Variants in CELF2 observed in about 807,000 individuals in gnomAD.
The protein encoded by CELF2 is CUGBP Elav-like family member 2.
CELF2 carries 8 observed loss-of-function variants against 62.6 expected under a neutral mutation model. The ratio of observed to expected loss-of-function variants is 0.13; its 90% confidence interval spans 0.07 to 0.23. CELF2 has a LOEUF of 0.23. Among genes scored for constraint, CELF2 ranks in the 10% least tolerant of loss-of-function variants. CELF2 has a pLI of 1.00. For missense variants in CELF2, 333 were observed against 671.0 expected (o/e 0.50, Z 5.56); for synonymous variants, 258 against 250.0 (o/e 1.03, Z -0.30).
intron 1 of CELF2, among the ~76,000 whole-genome samples, chr10:11,025,114 C>T (rs1002916208): frequency 1.1e-4 from 16 of 151,966 alleles, no homozygotes; most frequent in Admixed American, 2.6e-4. Context: ...CAAAGACAAT[C>T]AGTTGGTCTT....
At chr10:10,758,823 T>C in the CELF2 span, among the ~76,000 whole-genome samples, 3 of 152,236 alleles carry the variant, frequency 2.0e-5, no homozygotes, top group South Asian at 2.1e-4. Context: ...AACAAATGCC[T>C]TTCTTTTTTC....
intron 1 of CELF2, among the ~76,000 whole-genome samples, chr10:11,068,753 G>GGTTTCACCGTGTTAGCCAAGATGGT (rs2068851441): frequency 6.6e-6 from 1 of 151,952 alleles, no homozygotes; most frequent in Non-Finnish European, 1.5e-5. Flanking sequence ...GTAGAGATGG[G>GGTTTCACCGTGTTAGCCAAGATGGT]GTTTCACCGT....
chr10:10,650,437 T>G, the CELF2 span, among the ~76,000 whole-genome samples: 4 of 152,242 alleles, frequency 2.6e-5, no homozygotes, highest in South Asian at 8.3e-4. Flanking sequence ...AAATTAAAGA[T>G]ATGCATACTC....
In CELF2 at chr10:11,110,420, T is replaced by C. The variant is rs910590757; in HGVS notation, c.75-55066T>C. Among the ~76,000 whole-genome samples the C allele has an allele frequency of 6.6e-6, 1 of 152,250 alleles. No homozygotes were observed. The highest frequency in any genetic ancestry group is 1.5e-5 in the Non-Finnish European group (1 of 68,042). ...AACGATGAAGTTTTAGGAAGCCATC[T>C]AACGCTTAGTACTTCTTTTCCCATC... is the stretch of plus-strand genomic sequence containing the variant. On this transcript the variant is annotated intron_variant, in intron 1 of 12. Coordinates refer to ENST00000633077, the MANE Select transcript of CELF2 (RefSeq NM_001326342.2). The surrounding 1 kb of genome is among the most constrained non-coding windows in gnomAD (Gnocchi z 4.0).
intron 2 of CELF2, chr10:10,970,534 G>T (rs1040732656): frequency 5.3e-5 from 8 of 152,230 alleles, no homozygotes; most frequent in Non-Finnish European, 1.2e-4. Flanking sequence ...CCAAAACCAA[G>T]AGATAGCTAG....
At chr10:11,202,191 G>C (rs2059373124) in intron 2 of CELF2, among the ~76,000 whole-genome samples, 1 of 152,106 alleles carries the variant, frequency 6.6e-6, no homozygotes, top group East Asian at 1.9e-4. Context: ...AATGACAGCT[G>C]TTTAACACAT....
chr10:11,327,932 T>C (rs2095842422), intron 12 of CELF2, among the ~76,000 whole-genome samples: 1 of 152,198 alleles, frequency 6.6e-6, no homozygotes, highest in Admixed American at 6.5e-5. Flanking sequence ...TAGACCTAAA[T>C]GTAAATCAGG....
rs869213973 is a variant in CELF2 at position 11,211,813 on chromosome 10, AGTGTGTGTGTGTGTGTGTGT to A, written c.272-5589_272-5570del. On this transcript the variant is annotated intron_variant, in intron 2 of 12. Transcript: ENST00000633077. This position sits in a 1 kb window ranked among gnomAD's most constrained non-coding sequence, Gnocchi z 4.8. ...GTGTGAGAGAGAGAGAGAGAGAGAG[AGTGTGTGTGTGTGTGTGTGT>A]GTGTGTGTGTGTGTGTGTGTGTAAC... Among the ~76,000 whole-genome samples the A allele has an allele frequency of 1.1e-5, 1 of 89,256 alleles. No individual in the cohort carries two copies. The highest frequency in any genetic ancestry group is 4.7e-5 in the African/African-American group (1 of 21,122). 58.6% of individuals were successfully genotyped at this position (89,256 alleles called of 152,430 possible).
At position 11,302,708 on chromosome 10, in the gene CELF2, G is replaced by T. The variant is rs973639443; in HGVS notation, c.977-11431G>T. ...GCTGTGTATAGGTTTCCCCGGGAGA[G>T]AAAGTAAAAGCTGTTTCCATTTTAA... On this transcript the variant is annotated intron_variant, in intron 9 of 12. Transcript: ENST00000633077. The surrounding 1 kb of genome is among the most constrained non-coding windows in gnomAD (Gnocchi z 5.0). 6.6e-6 allele frequency among the ~76,000 whole-genome samples: 1 copy of T among 152,218 alleles called. No individual in the cohort carries two copies. The highest frequency in any genetic ancestry group is 2.4e-5 in the African/African-American group (1 of 41,448).
chr10:10,958,572 A>G (rs2049144015), intron 2 of CELF2, among the ~76,000 whole-genome samples: 1 of 152,200 alleles, frequency 6.6e-6, no homozygotes, highest in Non-Finnish European at 1.5e-5. Context: ...AAACCAACAA[A>G]GATGGCTGGG....
rs996230487 is a variant in CELF2, at chr10:11,267,529, G to T, written c.618+852G>T. Among the ~76,000 whole-genome samples the T allele has an allele frequency of 6.6e-6, 1 of 152,176 alleles. No homozygotes were observed. The highest frequency in any genetic ancestry group is 2.4e-5 in the African/African-American group (1 of 41,436). ...ATGTATACTGTATCTTTGTGTATGGGTGATCTTTTCCGGAGGTGGCCTTGT... is the reference window on the plus strand; with the variant it reads ...ATGTATACTGTATCTTTGTGTATGGTTGATCTTTTCCGGAGGTGGCCTTGT... On this transcript the variant is annotated intron_variant, in intron 6 of 12. Coordinates refer to ENST00000633077, the MANE Select transcript of CELF2 (RefSeq NM_001326342.2). The surrounding 1 kb of genome is among the most constrained non-coding windows in gnomAD (Gnocchi z 4.4).
rs1205688456 is a variant in CELF2 at position 11,051,954 on chromosome 10, G to A, written c.74+33791G>A. The stretch of plus-strand genomic sequence containing the variant: ...GTCTCTGTGGCCCAGGCTGGAGTGC[G>A]GTGGAGCAATGTTGGCTCACTGCAA... On this transcript the variant is annotated intron_variant, in intron 1 of 12. Transcript: ENST00000633077. Among the ~76,000 whole-genome samples, 4 of 149,518 alleles carry A rather than the reference G, an allele frequency of 2.7e-5. No homozygotes were observed. In the South Asian group the frequency reaches 6.3e-4, roughly 24 times the overall value.
At chr10:11,027,424 C>G (rs2059398605) in intron 1 of CELF2, among the ~76,000 whole-genome samples, 1 of 152,096 alleles carries the variant, frequency 6.6e-6, no homozygotes, top group Admixed American at 6.5e-5. Context: ...TTAGAGTCCC[C>G]TTACATAAGG....
At chr10:10,806,458 C>G (rs1164544511) in intron 1 of CELF2, among the ~76,000 whole-genome samples, 1 of 152,190 alleles carries the variant, frequency 6.6e-6, no homozygotes. Flanking sequence ...CCTGCCTTGG[C>G]CTCCCAAAGT....
the CELF2 span, among the ~76,000 whole-genome samples, chr10:10,493,787 C>T: frequency 6.6e-6 from 1 of 152,174 alleles, no homozygotes; most frequent in African/African-American, 2.4e-5. Context: ...CCGCCTCGGC[C>T]TCCCAAAGTG....
chr10:10,507,660 C>T, the CELF2 span, among the ~76,000 whole-genome samples: 1 of 152,026 alleles, frequency 6.6e-6, no homozygotes, highest in Non-Finnish European at 1.5e-5. Flanking sequence ...ACTGAGAGAC[C>T]AGGATGGAAA....
chr10:11,251,850 C>T (rs1482343431), intron 4 of CELF2, among the ~76,000 whole-genome samples: 1 of 152,206 alleles, frequency 6.6e-6, no homozygotes, highest in Admixed American at 6.5e-5. Flanking sequence ...CACTGTTATT[C>T]CACTCACCGA....
intron 2 of CELF2, among the ~76,000 whole-genome samples, chr10:10,982,231 A>C (rs921093081): frequency 1.3e-5 from 2 of 152,042 alleles, no homozygotes; most frequent in African/African-American, 4.8e-5. Flanking sequence ...CTGGGATTAC[A>C]GGTGTGAGCC....
intron 1 of CELF2, among the ~76,000 whole-genome samples, chr10:10,917,278 T>C (rs1210380161): frequency 1.3e-5 from 2 of 152,178 alleles, no homozygotes; most frequent in Non-Finnish European, 2.9e-5. Context: ...GTCAATCCAG[T>C]AAGCTTTTGA....
Sources: allele counts gnomAD v4.1 joint callset (sites outside exome capture counted in the v4.1 genomes callset), GRCh38; gene constraint gnomAD v4.1.1; non-coding constraint Gnocchi (gnomAD v3.1); transcripts MANE v1.5; gene names NCBI Gene and HGNC (gene_info 2026-07-23, HGNC 2026-07-21).